Variants in MAPK10 observed in about 807,000 individuals in gnomAD.
The protein encoded by MAPK10 is JNK3 alpha protein kinase.
Under a neutral mutation model 59.3 loss-of-function variants are expected in MAPK10, and 25 were observed. That is an observed-to-expected ratio of 0.42 (90% confidence interval 0.31 to 0.59). The LOEUF is 0.59. Among genes scored for constraint, MAPK10 ranks in the 20% least tolerant of loss-of-function variants. The probability of loss-of-function intolerance (pLI) is 0.15; values close to 1 mark genes in which losing one functional copy is unlikely to be tolerated. For missense variants in MAPK10, 351 were observed against 568.9 expected (o/e 0.62, Z 3.90); for synonymous variants, 190 against 200.5 (o/e 0.95, Z 0.44).
intron 1 of MAPK10, among the ~76,000 whole-genome samples, chr4:86,474,822 A>T (rs1025703820): frequency 6.6e-6 from 1 of 152,228 alleles, no homozygotes. Context: ...TGACCTGCAC[A>T]TATACATCCA....
At chr4:86,089,685 GA>G in intron 9 of MAPK10, 1 of 152,806 alleles carries the variant, frequency 6.5e-6, no homozygotes. Context: ...TTTGAAAAAA[GA>G]AAAAAGAAAA....
At chr4:86,372,012 C>T (rs1243030783) in intron 1 of MAPK10, among the ~76,000 whole-genome samples, 1 of 152,174 alleles carries the variant, frequency 6.6e-6, no homozygotes, top group Non-Finnish European at 1.5e-5. Context: ...GACTTGAACT[C>T]AGCTCTGCAC....
At chr4:86,369,870 C>T (rs1318497097) in intron 1 of MAPK10, among the ~76,000 whole-genome samples, 2 of 152,108 alleles carry the variant, frequency 1.3e-5, no homozygotes, top group Non-Finnish European at 2.9e-5. Context: ...CTGAGCAGAT[C>T]GCATGGCCTC....
In MAPK10 at chr4:86,072,768, T is replaced by C. The variant is rs1224259245; in HGVS notation, c.803-4813A>G. On this transcript the variant is annotated intron_variant, in intron 9 of 13. Transcript: ENST00000641462. The stretch of plus-strand genomic sequence containing the variant: ...CCACTTGATCATGGTGGATAAGCTT[T>C]TTGATGTGCTGCTGGATTCGGTTTG... Among the ~76,000 whole-genome samples the C allele has an allele frequency of 3.8e-5, 3 of 79,372 alleles. 1 individual carries two copies. Among genetic ancestry groups the C allele is most frequent in the Non-Finnish European group, 7.1e-5 (3 of 41,994 alleles). 52.1% of individuals were successfully genotyped at this position (79,372 alleles called of 152,430 possible).
At chr4:86,172,956 AG>A (rs1246465870) in intron 3 of MAPK10, among the ~76,000 whole-genome samples, 1 of 151,784 alleles carries the variant, frequency 6.6e-6, no homozygotes, top group Non-Finnish European at 1.5e-5. Context: ...CACTGTTCAA[AG>A]AAATAAGAGA....
At chr4:86,490,060 G>A (rs1222558634) in intron 1 of MAPK10, among the ~76,000 whole-genome samples, 1 of 152,036 alleles carries the variant, frequency 6.6e-6, no homozygotes, top group Non-Finnish European at 1.5e-5. Context: ...CTTTCCTCCT[G>A]GCTATTCTAC....
intron 2 of MAPK10, among the ~76,000 whole-genome samples, chr4:86,353,447 A>G (rs1026228262): frequency 1.3e-5 from 2 of 152,170 alleles, no homozygotes; most frequent in Admixed American, 6.5e-5. Context: ...TATTAGTTTC[A>G]ACCATATAAA....
At chr4:86,569,926 A>G (rs1761334653) in intron 1 of MAPK10, among the ~76,000 whole-genome samples, 1 of 152,130 alleles carries the variant, frequency 6.6e-6, no homozygotes, top group Non-Finnish European at 1.5e-5. Flanking sequence ...ATGTAACACA[A>G]CTGTACTTGT....
At chr4:86,164,666 AG>A (rs949730197) in intron 3 of MAPK10, 3 of 152,146 alleles carry the variant, frequency 2.0e-5, no homozygotes, top group Non-Finnish European at 4.4e-5. Flanking sequence ...CAATAACACA[AG>A]GGAAGAAAGA....
chr4:86,142,287 G>A (rs1040208828), intron 4 of MAPK10, among the ~76,000 whole-genome samples: 1 of 152,164 alleles, frequency 6.6e-6, no homozygotes, highest in Non-Finnish European at 1.5e-5. Context: ...TTTGCTAAAC[G>A]AAGAAAACTG....
intron 4 of MAPK10, chr4:86,159,076 C>CAA: frequency 1.0e-4 from 32 of 319,722 alleles, no homozygotes; most frequent in South Asian, 1.4e-4. Flanking sequence ...TTTCTCTGAC[C>CAA]AAAAAAAAAA....
intron 2 of MAPK10, among the ~76,000 whole-genome samples, chr4:86,241,886 G>A (rs746841965): frequency 1.3e-5 from 2 of 152,238 alleles, no homozygotes; most frequent in African/African-American, 2.4e-5. Flanking sequence ...GAGATGTTGC[G>A]ATCATTTAGA....
At chr4:86,177,202 G>A (rs1256588630) in intron 3 of MAPK10, among the ~76,000 whole-genome samples, 1 of 152,078 alleles carries the variant, frequency 6.6e-6, no homozygotes, top group Non-Finnish European at 1.5e-5. Flanking sequence ...AGCCATATGT[G>A]TATCAGGTGA....
At chr4:86,293,819 G>A (rs1467870743) in intron 2 of MAPK10, among the ~76,000 whole-genome samples, 1 of 152,106 alleles carries the variant, frequency 6.6e-6, no homozygotes, top group Non-Finnish European at 1.5e-5. Context: ...CTATCAAGAG[G>A]ACAGCACCAA....
intron 1 of MAPK10, among the ~76,000 whole-genome samples, chr4:86,554,466 G>C (rs116042374): frequency 6.6e-6 from 1 of 152,068 alleles, no homozygotes; most frequent in Non-Finnish European, 1.5e-5. Context: ...TCCCATCAAG[G>C]TTAATGGAAT....
At chr4:86,098,822 G>T (rs1677819574) in intron 8 of MAPK10, 1 of 442,510 alleles carries the variant, frequency 2.3e-6, no homozygotes, top group Non-Finnish European at 4.1e-6. Flanking sequence ...TACTTTGTGG[G>T]TGCCTTACAT....
intron 4 of MAPK10, among the ~76,000 whole-genome samples, chr4:86,131,011 C>G (rs2060902689): frequency 6.6e-6 from 1 of 152,000 alleles, no homozygotes; most frequent in Admixed American, 6.6e-5. Context: ...ATAGTGAAAG[C>G]TTATAAATGG....
intron 2 of MAPK10, among the ~76,000 whole-genome samples, chr4:86,245,814 C>T (rs1027650935): frequency 3.9e-5 from 6 of 152,148 alleles, no homozygotes; most frequent in African/African-American, 1.4e-4. Flanking sequence ...TTACTTAATT[C>T]CTTCTGGTCC....
intron 13 of MAPK10, chr4:86,020,571 C>A (rs1333090323): frequency 6.0e-5 from 10 of 167,788 alleles, no homozygotes; most frequent in Non-Finnish European, 1.2e-4. Flanking sequence ...CGCGGACCCT[C>A]GCGGTGAGTG....
Sources: gnomAD v4.1 joint callset for allele counts (sites outside exome capture counted in the v4.1 genomes callset) on GRCh38, gnomAD v4.1.1 for gene constraint, MANE v1.5 for transcripts, NCBI Gene and HGNC (gene_info 2026-07-23, HGNC 2026-07-21) for gene names.